The following TENM1 variants were observed in gnomAD, a reference collection of about 807,000 sequenced individuals.
TENM1 encodes the protein teneurin transmembrane protein 1, also known as teneurin-1.
Under a neutral mutation model 174.8 loss-of-function variants are expected in TENM1, and 35 were observed. The ratio of observed to expected loss-of-function variants is 0.20; its 90% confidence interval spans 0.15 to 0.27. TENM1 has a LOEUF of 0.27. Ranked by LOEUF, TENM1 falls within the 10% of genes least tolerant of loss-of-function variation. The probability of loss-of-function intolerance (pLI) is 1.00; values close to 1 mark genes in which losing one functional copy is unlikely to be tolerated. For missense variants in TENM1, 1,633 were observed against 2,130.1 expected, an observed-to-expected ratio of 0.77 and a Z score of 4.59; for synonymous variants, 781 against 798.7, an observed-to-expected ratio of 0.98 and a Z score of 0.37.
the TENM1 span, among the ~76,000 whole-genome samples, chrX:125,015,817 C>T: frequency 0.093 from 10,291 of 111,195 alleles, 375 homozygotes; most frequent in South Asian, 0.2. Context: ...GCCATTAGTT[C>T]GTGCAACCAC....
At chrX:124,405,991 G>T (rs2060458199) in intron 26 of TENM1, among the ~76,000 whole-genome samples, 1 of 104,031 alleles carries the variant, frequency 9.6e-6, no homozygotes, top group African/African-American at 3.5e-5. Flanking sequence ...AGCTCAGCTG[G>T]AGCCCAGGCT....
chrX:124,581,560 T>A (rs1006990872), intron 11 of TENM1, among the ~76,000 whole-genome samples: 2 of 112,357 alleles, frequency 1.8e-5, no homozygotes, highest in Non-Finnish European at 3.8e-5. Flanking sequence ...TCCCCAGTAA[T>A]GGGACTGCTT....
rs1299793921 is a variant in TENM1, at chrX:124,547,609, C to T, written c.2435-519G>A. ...ATTCTCATGGTGAAAAAAGATATTT[C>T]GAGCAATGATTTTCAAATCTGTTGT... On this transcript the variant is annotated intron_variant, in intron 14 of 31. Transcript: ENST00000422452. 4.5e-5 allele frequency among the ~76,000 whole-genome samples: 5 copies of T among 111,593 alleles called. No individual in the cohort carries two copies. The South Asian group carries it at 1.5e-3, about 34-fold the overall frequency.
chrX:125,124,395 T>A, the TENM1 span, among the ~76,000 whole-genome samples: 36 of 112,021 alleles, frequency 3.2e-4, no homozygotes, highest in Non-Finnish European at 5.3e-4. Context: ...TGACTGTACA[T>A]CTAGTAGAAG....
Position 124,935,826 on chromosome X carries a change from T to C in TENM1, c.217+27711A>G, listed in dbSNP as rs779297023. ...ACCTGAAACCTATTCCTTTCTCAGT[T>C]TTCCGGACATTAGTTTCCTCCACCA... On this transcript the variant is annotated intron_variant, in intron 1 of 31. Coordinates refer to ENST00000422452, the Ensembl canonical transcript of TENM1. Among the ~76,000 whole-genome samples the C allele has an allele frequency of 1.7e-3, 190 of 112,453 alleles. 2 individuals carry two copies. Among genetic ancestry groups the C allele is most frequent in the African/African-American group, 5.8e-3 (181 of 30,986 alleles).
chrX:124,513,914 A>T (rs1272883710), intron 18 of TENM1, among the ~76,000 whole-genome samples: 2 of 111,758 alleles, frequency 1.8e-5, no homozygotes, highest in African/African-American at 6.5e-5. Flanking sequence ...TTTTGGAAAC[A>T]TTATGCCATG....
At chrX:124,619,578 A>G (rs1189667093) in intron 11 of TENM1, among the ~76,000 whole-genome samples, 1 of 111,794 alleles carries the variant, frequency 8.9e-6, no homozygotes, top group Non-Finnish European at 1.9e-5. Context: ...CTTCTTAGAA[A>G]TGGAATGACT....
chrX:125,094,005 G>A, the TENM1 span, among the ~76,000 whole-genome samples: 3,984 of 112,069 alleles, frequency 0.036, 99 homozygotes, highest in Non-Finnish European at 0.059. Flanking sequence ...CTTCCTCTGC[G>A]TGGAAGAATT....
chrX:125,121,294 C>T, the TENM1 span, among the ~76,000 whole-genome samples: 1 of 111,223 alleles, frequency 9.0e-6, no homozygotes, highest in African/African-American at 3.3e-5. Flanking sequence ...GGATAAGGCA[C>T]CATGTGGCAT....
intron 3 of TENM1, among the ~76,000 whole-genome samples, chrX:124,791,862 G>A (rs1018468063): frequency 1.7e-4 from 19 of 109,646 alleles, no homozygotes; most frequent in South Asian, 3.9e-4. Context: ...GCATAATTGC[G>A]TGTGTGTGTG....
At chrX:124,509,713 A>ATTTTTTT (rs753100747) in intron 18 of TENM1, among the ~76,000 whole-genome samples, 1 of 75,884 alleles carries the variant, frequency 1.3e-5, no homozygotes, top group Non-Finnish European at 2.4e-5. Context: ...ACTTTCTGGA[A>ATTTTTTT]TTTTTTTTTT....
At chrX:125,028,265 A>C in the TENM1 span, among the ~76,000 whole-genome samples, 1 of 112,386 alleles carries the variant, frequency 8.9e-6, no homozygotes, top group Non-Finnish European at 1.9e-5. Flanking sequence ...ATATTAACAG[A>C]ATGAAATAGA....
chrX:124,706,765 T>G (rs966306731), intron 4 of TENM1, among the ~76,000 whole-genome samples: 2 of 111,728 alleles, frequency 1.8e-5, no homozygotes, highest in Non-Finnish European at 3.8e-5. Flanking sequence ...AGTGTTGTGC[T>G]GAACACTCAT....
chrX:125,081,303 T>C, the TENM1 span, among the ~76,000 whole-genome samples: 2 of 111,507 alleles, frequency 1.8e-5, no homozygotes, highest in East Asian at 5.7e-4. Flanking sequence ...GTATCCACTT[T>C]TTAAATTATA....
intron 11 of TENM1, among the ~76,000 whole-genome samples, chrX:124,572,751 CT>C (rs982496360): frequency 2.7e-5 from 3 of 109,859 alleles, no homozygotes; most frequent in Non-Finnish European, 3.8e-5. Context: ...AGAACACGTA[CT>C]TTTTTTTTCT....
chrX:124,675,603 G>GT (rs775859622), intron 5 of TENM1, among the ~76,000 whole-genome samples: 6,461 of 90,678 alleles, frequency 0.071, 404 homozygotes, highest in African/African-American at 0.19. Flanking sequence ...ACCAGGCACT[G>GT]TTTTTTTTTT....
At chrX:124,984,548 G>A in the TENM1 span, among the ~76,000 whole-genome samples, 4 of 112,074 alleles carry the variant, frequency 3.6e-5, no homozygotes, top group East Asian at 8.4e-4. Context: ...AAGTCAAAGT[G>A]ATTCCAGCAA....
At chrX:124,957,427 T>C (rs940032852) in intron 1 of TENM1, among the ~76,000 whole-genome samples, 1 of 110,180 alleles carries the variant, frequency 9.1e-6, no homozygotes, top group Non-Finnish European at 1.9e-5. Context: ...CTATTAAAAA[T>C]ACAAAAATTA....
the TENM1 span, among the ~76,000 whole-genome samples, chrX:125,092,323 T>C: frequency 1.8e-5 from 2 of 111,757 alleles, no homozygotes; most frequent in African/African-American, 6.5e-5. Context: ...TCTGTTAAAC[T>C]TGATTAAGTA....
Sources: gnomAD v4.1 joint callset for allele counts (sites outside exome capture counted in the v4.1 genomes callset) on GRCh38, gnomAD v4.1.1 for gene constraint, MANE v1.5 for transcripts, NCBI Gene and HGNC (gene_info 2026-07-23, HGNC 2026-07-21) for gene names.